Variants in SLC12A3 observed in about 807,000 individuals in gnomAD.
SLC12A3 encodes solute carrier family 12 member 3, also known as Na-Cl cotransporter.
Under a neutral mutation model 121.0 loss-of-function variants are expected in SLC12A3, and 104 were observed. The observed-to-expected ratio is 0.86, with a 90% CI of 0.73 to 1.01. The LOEUF is 1.01. SLC12A3 is among the 50% of genes least tolerant of loss of function. The probability of loss-of-function intolerance (pLI) is 0.00; values close to 1 mark genes in which losing one functional copy is unlikely to be tolerated. For missense variants in SLC12A3, 1,328 were observed against 1,356.3 expected (o/e 0.98, Z 0.33); for synonymous variants, 536 against 533.4 (o/e 1.00, Z -0.07).
At chr16:56,900,527 A>ATTTATTTATTTATTTATTTT (rs2055524131) in intron 23 of SLC12A3, among the ~76,000 whole-genome samples, 1 of 151,106 alleles carries the variant, frequency 6.6e-6, no homozygotes, top group African/African-American at 2.5e-5. Flanking sequence ...ATTTTTATTT[A>ATTTATTTATTTATTTATTTT]TTTATTTATT....
rs146632606 is a variant in SLC12A3 at position 56,867,150 on chromosome 16, G to C, written c.363G>C (p.Glu121Asp). 1.5e-3 allele frequency: 2,454 copies of C among 1,614,098 alleles called. 2 individuals are homozygous for C. Among genetic ancestry groups the C allele is most frequent in the Non-Finnish European group, 1.9e-3 (2,274 of 1,180,022 alleles). ...HEMTDGLVEGEAGTSSEKNPE... is the reference protein window; with the variant it reads ...HEMTDGLVEGDAGTSSEKNPE... ...TGACTGATGGGCTGGTGGAGGGCGA[G>C]GCAGGCACCAGCAGCGAGAAGAACC... is the stretch of plus-strand genomic sequence containing the variant. The change falls in exon 2 of 26, where the codon GAG becomes GAC. Residue 121 changes from glutamate to aspartate, a missense_variant. Physicochemically the swap from Glu to Asp is conservative, Grantham distance 45. Transcript: ENST00000563236.
intron 1 of SLC12A3, 25 bp downstream of exon 1, chr16:56,865,542 C>T: frequency 6.2e-7 from 1 of 1,606,582 alleles, no homozygotes. Flanking sequence ...AGAAGACTGG[C>T]CACTTCCCTG....
intron 8 of SLC12A3, among the ~76,000 whole-genome samples, chr16:56,876,964 G>T (rs543701223): frequency 6.6e-6 from 1 of 152,198 alleles, no homozygotes; most frequent in East Asian, 1.9e-4. Flanking sequence ...TGTCCTCCTC[G>T]CAGCTCTCTG....
Position 56,887,398 on chromosome 16 carries a change from G to A in SLC12A3, c.2178+305G>A, listed in dbSNP as rs568463827. 5.8e-3 allele frequency among the ~76,000 whole-genome samples: 876 copies of A among 151,956 alleles called. 11 individuals carry two copies. Among genetic ancestry groups the A allele is most frequent in the African/African-American group, 0.02 (820 of 41,404 alleles). On this transcript the variant is annotated intron_variant, in intron 17 of 25. Transcript: ENST00000563236. ...TTTTTTGTGTTTTTAGTAGAGACGG[G>A]GTTTCACCATGTTGGCCAGGCTGGT...
At chr16:56,869,299 G>A (rs1199042855) in intron 3 of SLC12A3, among the ~76,000 whole-genome samples, 1 of 152,144 alleles carries the variant, frequency 6.6e-6, no homozygotes, top group Non-Finnish European at 1.5e-5. Flanking sequence ...GGGCTCACTG[G>A]CTATTCAGAG....
chr16:56,884,210 C>T lies in SLC12A3; in HGVS notation c.1825+6C>T, dbSNP rs2055280295. 6.2e-7 allele frequency: 1 copy of T among 1,613,982 alleles called. No homozygotes were observed. Among genetic ancestry groups the T allele is most frequent in the Non-Finnish European group, 8.5e-7 (1 of 1,179,938 alleles). ...TGTCATCTACAAGAAGCCAGGTGCG[C>T]ATCTCAGCTGCGGGGCCTCGGCCCT... On this transcript the variant is annotated splice_donor_region_variant and intron_variant, in intron 14 of 25. Transcript: ENST00000563236.
intron 15 of SLC12A3, among the ~76,000 whole-genome samples, chr16:56,885,989 C>A (rs566165787): frequency 5.5e-4 from 84 of 152,342 alleles, no homozygotes; most frequent in African/African-American, 2.0e-3. Context: ...CCACTGCCCT[C>A]TGCTACCTCT....
chr16:56,885,994 A>T (rs1340059572), intron 15 of SLC12A3, among the ~76,000 whole-genome samples: 1 of 152,048 alleles, frequency 6.6e-6, no homozygotes. Flanking sequence ...GCCCTCTGCT[A>T]CCTCTCGACG....
intron 8 of SLC12A3, among the ~76,000 whole-genome samples, chr16:56,873,285 T>A (rs1315864650): frequency 6.6e-6 from 1 of 151,016 alleles, no homozygotes; most frequent in African/African-American, 2.4e-5. Flanking sequence ...TCGTCCCTCC[T>A]CCACGCCTTT....
chr16:56,909,498 G>C (rs939948491), intron 25 of SLC12A3, among the ~76,000 whole-genome samples: 7 of 137,058 alleles, frequency 5.1e-5, no homozygotes, highest in African/African-American at 1.9e-4. Context: ...GCCAATACAA[G>C]TAATTATAAA....
At chr16:56,888,054 G>T (rs777685618) in intron 18 of SLC12A3, 23 bp downstream of exon 18, 1 of 1,565,672 alleles carries the variant, frequency 6.4e-7, no homozygotes, top group Admixed American at 1.7e-5. Flanking sequence ...AGAGGAAGGG[G>T]CTTGGGGTCT....
chr16:56,905,714 C>A (rs1408141313), intron 25 of SLC12A3, among the ~76,000 whole-genome samples: 2 of 152,168 alleles, frequency 1.3e-5, no homozygotes, highest in Non-Finnish European at 1.5e-5. Flanking sequence ...CCTTTCAAAG[C>A]AGTCTCCCTT....
intron 24 of SLC12A3, 23 bp downstream of exon 24, chr16:56,902,531 G>GGCCCGC: frequency 1.4e-6 from 1 of 714,570 alleles, no homozygotes; most frequent in Non-Finnish European, 2.4e-6. Flanking sequence ...GTGGGGGTGG[G>GGCCCGC]AAACGCGACA....
intron 8 of SLC12A3, among the ~76,000 whole-genome samples, chr16:56,876,343 C>T (rs1055703993): frequency 5.9e-5 from 9 of 152,132 alleles, no homozygotes; most frequent in East Asian, 1.9e-4. Context: ...TTTTGGGGGA[C>T]GCTATTCAAT....
chr16:56,867,071 A>C lies in SLC12A3; in HGVS notation c.284A>C (p.Gln95Pro). ...TLADLHSFLK[Q>P]EGRHLHALAF... ...GACTTGTGGTCTCTGGGCTGCCAGC[A>C]GGAAGGCAGACACCTGCATGCCCTG... The change falls in exon 2 of 26, where the codon CAG becomes CCG. Residue 95 changes from glutamine (Q) to proline (P), a missense_variant and splice_region_variant. Coordinates refer to ENST00000563236, the MANE Select transcript of SLC12A3 (RefSeq NM_001126108.2). 1 of 1,612,638 alleles carries C rather than the reference A, an allele frequency of 6.2e-7. No individual in the cohort carries two copies. Among genetic ancestry groups the C allele is most frequent in the Non-Finnish European group, 8.5e-7 (1 of 1,180,020 alleles).
chr16:56,889,705 C>A (rs1278942283), intron 18 of SLC12A3, among the ~76,000 whole-genome samples: 3 of 152,174 alleles, frequency 2.0e-5, no homozygotes, highest in Admixed American at 6.5e-5. Flanking sequence ...GAACTCCTGA[C>A]CTCAGGTGAT....
At chr16:56,881,117 G>T (rs1437734770) in intron 12 of SLC12A3, among the ~76,000 whole-genome samples, 4 of 151,492 alleles carry the variant, frequency 2.6e-5, no homozygotes, top group African/African-American at 9.7e-5. Flanking sequence ...CCTGGCCCCT[G>T]CTCCCTATGC....
At position 56,878,059 on chromosome 16, in the gene SLC12A3, T is replaced by TC; in HGVS notation, c.1096-17dup. On this transcript the variant is annotated splice_polypyrimidine_tract_variant and intron_variant, in intron 8 of 25. Coordinates refer to ENST00000563236, the MANE Select transcript of SLC12A3 (RefSeq NM_001126108.2). ...CTCTCCCTCCCTCCCTCCCTCCCTC[T>TC]CTCCCTCCCTCCTTCAGGACCCTGC... 3.9e-6 allele frequency: 1 copy of TC among 257,858 alleles called. No homozygotes were observed. Among genetic ancestry groups the TC allele is most frequent in the Non-Finnish European group, 7.0e-6 (1 of 142,946 alleles). 16.0% of individuals were successfully genotyped at this position (257,858 alleles called of 1,614,324 possible). A position where few individuals can be genotyped will look rare whatever the true frequency, so the allele number is the denominator to read the frequency against.
rs369802273 is a variant in SLC12A3 at position 56,870,249 on chromosome 16, G to C, written c.741+14G>C. ...GACCTGCTCCAGGTGAGGCCGGGGGGCTGGACCCTGGGTAGAGGGATCCGG... is the reference window on the plus strand; with the variant it reads ...GACCTGCTCCAGGTGAGGCCGGGGGCCTGGACCCTGGGTAGAGGGATCCGG... On this transcript the variant is annotated intron_variant, in intron 5 of 25. Coordinates refer to ENST00000563236, the MANE Select transcript of SLC12A3 (RefSeq NM_001126108.2). 1 of 1,611,172 alleles carries C rather than the reference G, an allele frequency of 6.2e-7. No homozygotes were observed. The highest frequency in any genetic ancestry group is 1.7e-5 in the Admixed American group (1 of 59,982).
Sources: gnomAD v4.1 joint callset for allele counts (sites outside exome capture counted in the v4.1 genomes callset) on GRCh38, gnomAD v4.1.1 for gene constraint, MANE v1.5 for transcripts, NCBI Gene and HGNC (gene_info 2026-07-23, HGNC 2026-07-21) for gene names.